CPPED1: variants seen among roughly 807,000 people sequenced by gnomAD.
The protein encoded by CPPED1 is serine/threonine-protein phosphatase CPPED1.
CPPED1 carries 28 observed loss-of-function variants against 28.0 expected under a neutral mutation model. The ratio of observed to expected loss-of-function variants is 1.00; its 90% CI spans 0.74 to 1.37. The LOEUF is 1.37. CPPED1 is among the 40% of genes most tolerant of loss of function. CPPED1 has a pLI of 0.00. For synonymous variants in CPPED1, 198 were observed against 180.2 expected, an observed-to-expected ratio of 1.10 and a Z score of -0.79; for missense variants, 504 against 416.5, an observed-to-expected ratio of 1.21 and a Z score of -1.83.
chr16:12,765,130 G>C (rs1273185005), intron 2 of CPPED1, among the ~76,000 whole-genome samples: 1 of 152,206 alleles, frequency 6.6e-6, no homozygotes, highest in African/African-American at 2.4e-5. Flanking sequence ...TCTAGTCCCA[G>C]AGAATTTATG....
At chr16:12,688,897 C>T (rs142832734) in intron 3 of CPPED1, among the ~76,000 whole-genome samples, 143 of 152,352 alleles carry the variant, frequency 9.4e-4, no homozygotes, top group African/African-American at 3.0e-3. Context: ...CAGCAAAACA[C>T]GACACACAGT....
intron 2 of CPPED1, among the ~76,000 whole-genome samples, chr16:12,764,422 C>T (rs2080427719): frequency 6.6e-6 from 1 of 152,088 alleles, no homozygotes; most frequent in South Asian, 2.1e-4. Context: ...AGGCTGGTCT[C>T]GAATTCCTGA....
At chr16:12,756,095 C>T (rs1421262956) in intron 2 of CPPED1, among the ~76,000 whole-genome samples, 1 of 151,262 alleles carries the variant, frequency 6.6e-6, no homozygotes, top group Non-Finnish European at 1.5e-5. Context: ...CGCGCTACTG[C>T]ACTCCAGCCT....
At chr16:12,721,681 G>C (rs1395695706) in intron 2 of CPPED1, among the ~76,000 whole-genome samples, 1 of 151,602 alleles carries the variant, frequency 6.6e-6, no homozygotes, top group Admixed American at 6.6e-5. Flanking sequence ...TTGAACCTGG[G>C]AGACGAAGGT....
intron 2 of CPPED1, among the ~76,000 whole-genome samples, chr16:12,733,274 ATTTT>A (rs11463007): frequency 1.4e-5 from 2 of 139,282 alleles, no homozygotes; most frequent in African/African-American, 5.3e-5. Flanking sequence ...CGAATTAGGA[ATTTT>A]TTTTTTTTTT....
intron 3 of CPPED1, among the ~76,000 whole-genome samples, chr16:12,667,678 C>G (rs752763441): frequency 1.3e-5 from 2 of 152,060 alleles, no homozygotes; most frequent in African/African-American, 4.8e-5. Flanking sequence ...GGAAATGATC[C>G]AGAAGACAAT....
intron 2 of CPPED1, among the ~76,000 whole-genome samples, chr16:12,772,795 C>G (rs1021060928): frequency 2.6e-5 from 4 of 152,194 alleles, no homozygotes; most frequent in Admixed American, 6.5e-5. Flanking sequence ...GCTCTTATCC[C>G]AAACCCCCTA....
At chr16:12,665,784 G>C (rs962604595) in intron 3 of CPPED1, among the ~76,000 whole-genome samples, 1 of 152,216 alleles carries the variant, frequency 6.6e-6, no homozygotes, top group Non-Finnish European at 1.5e-5. Flanking sequence ...AATTGGCTAG[G>C]CGTGGTGGCA....
At chr16:12,773,114 C>T (rs570641538) in intron 2 of CPPED1, among the ~76,000 whole-genome samples, 2 of 152,140 alleles carry the variant, frequency 1.3e-5, no homozygotes, top group Non-Finnish European at 2.9e-5. Flanking sequence ...TGTACAAGTG[C>T]AAGACCCAAA....
intron 2 of CPPED1, among the ~76,000 whole-genome samples, chr16:12,775,874 G>A (rs915629032): frequency 6.6e-6 from 1 of 152,196 alleles, no homozygotes; most frequent in Non-Finnish European, 1.5e-5. Flanking sequence ...AGACTGTAAT[G>A]AGTAGATAAG....
At chr16:12,713,994 T>G (rs1165148303) in intron 2 of CPPED1, among the ~76,000 whole-genome samples, 1 of 152,142 alleles carries the variant, frequency 6.6e-6, no homozygotes, top group Non-Finnish European at 1.5e-5. Context: ...TCTATAGATT[T>G]CTCCACTCCA....
chr16:12,746,370 A>G (rs2080288160), intron 2 of CPPED1, among the ~76,000 whole-genome samples: 1 of 97,310 alleles, frequency 1.0e-5, no homozygotes. Context: ...CAAGACTCTG[A>G]CTCAAAAAAA....
At chr16:12,714,479 C>A (rs78221951) in intron 2 of CPPED1, among the ~76,000 whole-genome samples, 5,160 of 152,222 alleles carry the variant, frequency 0.034, 129 homozygotes, top group East Asian at 0.1. Flanking sequence ...TTGTAGCCAT[C>A]TTAGTAGGTG....
chr16:12,682,856 G>C lies in CPPED1; in HGVS notation c.716-17741C>G, dbSNP rs72779023. ...TGGCAGCTTGCGTGTGAAATGGAGC[G>C]TGGGGCCCACATTAAGGTTTCAATC... On this transcript the variant is annotated intron_variant, in intron 3 of 3. Coordinates refer to ENST00000381774, the MANE Select transcript of CPPED1 (RefSeq NM_018340.3). The surrounding 1 kb of genome is among the most constrained non-coding windows in gnomAD (Gnocchi z 6.1). 1.3e-5 allele frequency among the ~76,000 whole-genome samples: 2 copies of C among 152,150 alleles called. No homozygotes were observed. The highest frequency in any genetic ancestry group is 4.1e-4 in the South Asian group (2 of 4,836).
At chr16:12,673,220 C>G (rs1713472) in intron 3 of CPPED1, among the ~76,000 whole-genome samples, 138,444 of 152,146 alleles carry the variant, frequency 0.91, 63,632 homozygotes, top group Non-Finnish European at 0.95. Context: ...GTACAGACTG[C>G]AGGGGCGGTG....
chr16:12,691,427 T>C (rs903789764), intron 3 of CPPED1, among the ~76,000 whole-genome samples: 4 of 152,052 alleles, frequency 2.6e-5, no homozygotes, highest in African/African-American at 9.7e-5. Flanking sequence ...AGGCATGAAG[T>C]AGAAACACAA....
intron 3 of CPPED1, among the ~76,000 whole-genome samples, chr16:12,700,411 G>C (rs1177200862): frequency 6.6e-6 from 1 of 152,222 alleles, no homozygotes; most frequent in African/African-American, 2.4e-5. Flanking sequence ...TGAACACAGA[G>C]GTCTGAACAT....
At chr16:12,803,662 T>C (rs1485283087) in intron 1 of CPPED1, 45 bp downstream of exon 1, 1 of 1,417,402 alleles carries the variant, frequency 7.1e-7, no homozygotes, top group East Asian at 2.9e-5. Flanking sequence ...GGCGGAAGGT[T>C]CCGCAGCCCC....
chr16:12,801,383 G>A (rs1021523641), intron 1 of CPPED1, among the ~76,000 whole-genome samples: 2 of 151,972 alleles, frequency 1.3e-5, no homozygotes, highest in African/African-American at 2.4e-5. Context: ...GTGAGCCACC[G>A]CGGCCGGCCC....
Sources: gnomAD v4.1 joint callset for allele counts (sites outside exome capture counted in the v4.1 genomes callset) on GRCh38, gnomAD v4.1.1 for gene constraint, Gnocchi (gnomAD v3.1) non-coding constraint, MANE v1.5 for transcripts, NCBI Gene and HGNC (gene_info 2026-07-23, HGNC 2026-07-21) for gene names.